The following AIFM1 variants were observed in gnomAD, a reference collection of about 807,000 sequenced individuals.
AIFM1 encodes apoptosis inducing factor mitochondria associated 1, also known as apoptosis-inducing factor 1, mitochondrial.
AIFM1 carries 3 observed loss-of-function variants against 51.7 expected under a neutral mutation model. The observed-to-expected ratio is 0.06, with a 90% CI of 0.03 to 0.15. The LOEUF is 0.15. Among genes scored for constraint, AIFM1 ranks in the 10% least tolerant of loss-of-function variants. The pLI, the probability that AIFM1 is intolerant of heterozygous loss-of-function variation, is 1.00. For missense variants in AIFM1, 330 were observed against 476.8 expected, an observed-to-expected ratio of 0.69 and a Z score of 2.87; for synonymous variants, 178 against 179.4, an observed-to-expected ratio of 0.99 and a Z score of 0.06.
chrX:130,155,455 C>G (rs2031134108), intron 2 of AIFM1, among the ~76,000 whole-genome samples: 1 of 112,468 alleles, frequency 8.9e-6, no homozygotes, highest in African/African-American at 3.2e-5. Context: ...TTTCATCAAA[C>G]CACATTATCA....
intron 2 of AIFM1, among the ~76,000 whole-genome samples, chrX:130,154,121 C>T (rs2031088818): frequency 8.9e-6 from 1 of 112,430 alleles, no homozygotes; most frequent in Non-Finnish European, 1.9e-5. Flanking sequence ...ATCATTTAAC[C>T]TGGAACCACT....
At chrX:130,154,968 G>A (rs2031113913) in intron 2 of AIFM1, among the ~76,000 whole-genome samples, 1 of 112,264 alleles carries the variant, frequency 8.9e-6, no homozygotes, top group Admixed American at 9.5e-5. Flanking sequence ...AGCTATATCT[G>A]GTAGGACTTC....
chrX:130,153,549 T>C (rs573064011), intron 2 of AIFM1, among the ~76,000 whole-genome samples: 1 of 111,150 alleles, frequency 9.0e-6, no homozygotes, highest in Non-Finnish European at 1.9e-5. Context: ...TTCCTATTCC[T>C]ATATTGAAGC....
intron 5 of AIFM1, 70 bp from the exon 6 acceptor site, chrX:130,145,639 T>G: frequency 1.2e-6 from 1 of 848,650 alleles, no homozygotes; most frequent in Non-Finnish European, 1.7e-6. Context: ...GTAGCTTTAA[T>G]AAAACTGTTT....
At chrX:130,151,833 G>C (rs1392584115) in intron 2 of AIFM1, among the ~76,000 whole-genome samples, 2 of 111,318 alleles carry the variant, frequency 1.8e-5, no homozygotes, top group Non-Finnish European at 3.8e-5. Context: ...TTGAGGCCAG[G>C]AGTTCGAGAC....
intron 1 of AIFM1, among the ~76,000 whole-genome samples, chrX:130,159,540 A>G (rs759820252): frequency 3.6e-5 from 4 of 111,835 alleles, no homozygotes; most frequent in African/African-American, 1.3e-4. Context: ...GTTCCATGTG[A>G]TTTAGTTCAA....
intron 9 of AIFM1, chrX:130,137,883 A>C (rs2030413187): frequency 5.7e-6 from 2 of 353,722 alleles, no homozygotes; most frequent in Admixed American, 7.4e-5. Context: ...ACCAACATGG[A>C]GAAACCCTGT....
intron 12 of AIFM1, among the ~76,000 whole-genome samples, chrX:130,133,823 G>A (rs1415212216): frequency 9.3e-6 from 1 of 107,808 alleles, no homozygotes; most frequent in African/African-American, 3.4e-5. Context: ...GTAGAGATGG[G>A]GTGTTGCCAT....
intron 1 of AIFM1, among the ~76,000 whole-genome samples, chrX:130,157,953 CAA>C (rs770910998): frequency 6.5e-5 from 3 of 46,153 alleles, no homozygotes; most frequent in Non-Finnish European, 4.0e-5. Context: ...GACTCCGTCT[CAA>C]AAAAAAAAAA....
At chrX:130,150,626 C>T (rs761105258) in intron 2 of AIFM1, among the ~76,000 whole-genome samples, 3 of 105,940 alleles carry the variant, frequency 2.8e-5, no homozygotes, top group South Asian at 4.3e-4. Context: ...TGAGCCACCG[C>T]GCCCGGCCTA....
chrX:130,134,696 T>C (rs949623712), intron 12 of AIFM1, among the ~76,000 whole-genome samples: 1 of 110,248 alleles, frequency 9.1e-6, no homozygotes, highest in African/African-American at 3.3e-5. Context: ...CAGCCGGGGG[T>C]GAACTGGACC....
chrX:130,157,847 C>T (rs1255856008), intron 1 of AIFM1, among the ~76,000 whole-genome samples: 1 of 107,247 alleles, frequency 9.3e-6, no homozygotes, highest in Non-Finnish European at 1.9e-5. Flanking sequence ...CCCAGCTACT[C>T]GGGAGGCTGA....
intron 6 of AIFM1, among the ~76,000 whole-genome samples, chrX:130,144,509 C>T (rs2030685170): frequency 9.0e-6 from 1 of 111,482 alleles, no homozygotes; most frequent in African/African-American, 3.3e-5. Context: ...TTTTTGTGCC[C>T]TTGTGCTTTT....
chrX:130,149,696 T>A, intron 2 of AIFM1, 128 bp from the exon 3 acceptor site: 1 of 518,729 alleles, frequency 1.9e-6, no homozygotes, highest in African/African-American at 2.3e-5. Flanking sequence ...TCAAAACCAC[T>A]AAGACAAAGT....
At chrX:130,145,689 T>C in intron 5 of AIFM1, 120 bp from the exon 6 acceptor site, 1 of 542,273 alleles carries the variant, frequency 1.8e-6, no homozygotes, top group Non-Finnish European at 3.1e-6. Context: ...CCAAAGTAAG[T>C]CTCCAAGTCT....
chrX:130,154,836 A>C (rs2031109484), intron 2 of AIFM1, among the ~76,000 whole-genome samples: 1 of 112,708 alleles, frequency 8.9e-6, no homozygotes, highest in Non-Finnish European at 1.9e-5. Context: ...CTGTCTTGTT[A>C]GATATGCAGC....
chrX:130,134,027 G>A (rs1475780293), intron 12 of AIFM1, among the ~76,000 whole-genome samples: 2 of 110,732 alleles, frequency 1.8e-5, no homozygotes, highest in East Asian at 5.7e-4. Context: ...TGGATCACAA[G>A]GAGTTCGAGA....
intron 9 of AIFM1, among the ~76,000 whole-genome samples, chrX:130,138,191 T>C (rs1035214940): frequency 3.0e-4 from 33 of 111,321 alleles, no homozygotes; most frequent in Middle Eastern, 9.3e-3. Flanking sequence ...TTAGGCTGGG[T>C]GTGGTGGCTC....
intron 13 of AIFM1, among the ~76,000 whole-genome samples, chrX:130,132,983 G>A (rs1014415536): frequency 2.7e-5 from 3 of 111,200 alleles, no homozygotes; most frequent in African/African-American, 9.8e-5. Flanking sequence ...CTGGCCTCGT[G>A]ATCCGCCCAC....
Sources: allele counts gnomAD v4.1 joint callset (sites outside exome capture counted in the v4.1 genomes callset), GRCh38; gene constraint gnomAD v4.1.1; transcripts MANE v1.5; gene names NCBI Gene and HGNC (gene_info 2026-07-23, HGNC 2026-07-21).